RGS6: variants seen among roughly 807,000 people sequenced by gnomAD.
The protein encoded by RGS6 is regulator of G-protein signaling 6.
In RGS6, 30 loss-of-function variants were observed where a neutral mutation model predicts 78.5. The ratio of observed to expected loss-of-function variants is 0.38; its 90% confidence interval spans 0.29 to 0.52. The LOEUF (loss-of-function observed/expected upper bound fraction) is 0.52, where lower values mean the gene tolerates loss of function less well. RGS6 is among the 20% of genes least tolerant of loss of function. RGS6 has a pLI of 0.85. For synonymous variants in RGS6, 206 were observed against 206.0 expected (o/e 1.00, Z 0.00); for missense variants, 495 against 609.7 (o/e 0.81, Z 1.98).
At chr14:72,383,177 CATATATATATATAT>C (rs35175623) in intron 3 of RGS6, among the ~76,000 whole-genome samples, 1,492 of 71,026 alleles carry the variant, frequency 0.021, 69 homozygotes, top group African/African-American at 0.062. Flanking sequence ...AAAAATTGTA[CATATATATATATAT>C]ATATATATAT....
chr14:72,534,588 C>A (rs568673530), intron 15 of RGS6, among the ~76,000 whole-genome samples: 1 of 152,162 alleles, frequency 6.6e-6, no homozygotes, highest in African/African-American at 2.4e-5. Flanking sequence ...TTCCTTTACC[C>A]ATTTATCTAT....
At chr14:71,912,933 C>T in the RGS6 span, among the ~76,000 whole-genome samples, 1 of 152,056 alleles carries the variant, frequency 6.6e-6, no homozygotes, top group East Asian at 1.9e-4. Flanking sequence ...TCATGCCATT[C>T]TCCTGCCTCA....
intron 2 of RGS6, among the ~76,000 whole-genome samples, chr14:72,300,684 A>G (rs953327928): frequency 4.6e-5 from 7 of 152,228 alleles, no homozygotes; most frequent in African/African-American, 9.6e-5. Context: ...TGATTCCTTC[A>G]TATCCACTCA....
At chr14:72,474,522 G>A (rs2096182416) in intron 9 of RGS6, 103 bp from the exon 10 acceptor site, 1 of 1,059,434 alleles carries the variant, frequency 9.4e-7, no homozygotes, top group Non-Finnish European at 1.4e-6. Context: ...TGCATTGTCT[G>A]TAATGGAAAA....
chr14:72,455,615 C>T (rs2095610711), intron 4 of RGS6, among the ~76,000 whole-genome samples: 1 of 152,146 alleles, frequency 6.6e-6, no homozygotes, highest in East Asian at 1.9e-4. Flanking sequence ...CTTTTCACCC[C>T]CTTGATTAGT....
intron 2 of RGS6, among the ~76,000 whole-genome samples, chr14:72,347,785 T>G (rs981398813): frequency 2.0e-5 from 3 of 152,168 alleles, no homozygotes; most frequent in African/African-American, 7.2e-5. Context: ...GTATTTTTAA[T>G]CAACTACTAA....
intron 6 of RGS6, among the ~76,000 whole-genome samples, chr14:72,463,885 G>C (rs945341525): frequency 1.3e-5 from 2 of 152,164 alleles, no homozygotes; most frequent in Non-Finnish European, 1.5e-5. Flanking sequence ...TAGCTGCTTG[G>C]TTCATTGGAA....
intron 2 of RGS6, among the ~76,000 whole-genome samples, chr14:72,227,476 A>C (rs1438129365): frequency 2.6e-5 from 4 of 152,162 alleles, no homozygotes; most frequent in Non-Finnish European, 4.4e-5. Flanking sequence ...ATGATGAAAA[A>C]ATTGAATAAA....
intron 1 of RGS6, among the ~76,000 whole-genome samples, chr14:71,948,699 C>T (rs2091894367): frequency 6.7e-6 from 1 of 148,834 alleles, no homozygotes; most frequent in Non-Finnish European, 1.5e-5. Flanking sequence ...TCTTTTTTCC[C>T]ATTGGTAACT....
At chr14:72,083,591 G>A (rs540260299) in intron 2 of RGS6, among the ~76,000 whole-genome samples, 1 of 152,282 alleles carries the variant, frequency 6.6e-6, no homozygotes, top group East Asian at 1.9e-4. Flanking sequence ...ACGTCCCTCG[G>A]ATGGAGCTGG....
chr14:71,945,437 A>G (rs1474217390), intron 1 of RGS6, among the ~76,000 whole-genome samples: 1 of 152,240 alleles, frequency 6.6e-6, no homozygotes, highest in Non-Finnish European at 1.5e-5. Context: ...AACACTCAAT[A>G]GACCAGTTAG....
At chr14:72,454,320 G>C (rs1339009459) in intron 3 of RGS6, among the ~76,000 whole-genome samples, 1 of 152,192 alleles carries the variant, frequency 6.6e-6, no homozygotes, top group African/African-American at 2.4e-5. Flanking sequence ...CATCAGAAGT[G>C]AGTGTTTTTT....
chr14:71,911,723 TGAAGAGC>T, the RGS6 span, among the ~76,000 whole-genome samples: 9,636 of 152,090 alleles, frequency 0.063, 427 homozygotes, highest in Non-Finnish European at 0.097. Flanking sequence ...AAATTTGGAG[TGAAGAGC>T]TTTATTTCTT....
chr14:72,329,697 G>C (rs2074568333), intron 2 of RGS6, among the ~76,000 whole-genome samples: 1 of 152,222 alleles, frequency 6.6e-6, no homozygotes, highest in African/African-American at 2.4e-5. Context: ...CCATAGTGTG[G>C]AAGCACTCTT....
At chr14:72,423,718 T>C (rs968943149) in intron 3 of RGS6, among the ~76,000 whole-genome samples, 1 of 152,076 alleles carries the variant, frequency 6.6e-6, no homozygotes, top group Non-Finnish European at 1.5e-5. Flanking sequence ...AACCAGCAGG[T>C]CCTTTGCTCA....
chr14:72,222,482 T>C (rs1363574633), intron 2 of RGS6, among the ~76,000 whole-genome samples: 2 of 152,214 alleles, frequency 1.3e-5, no homozygotes, highest in Non-Finnish European at 2.9e-5. Flanking sequence ...ACAGAGCCAG[T>C]TCCCATCTTC....
At chr14:72,307,837 T>C (rs949508349) in intron 2 of RGS6, among the ~76,000 whole-genome samples, 2 of 152,214 alleles carry the variant, frequency 1.3e-5, no homozygotes, top group African/African-American at 4.8e-5. Context: ...TGACAAATTT[T>C]CCAATCAAAG....
chr14:72,348,101 C>G (rs1172738620), intron 2 of RGS6, among the ~76,000 whole-genome samples: 2 of 152,232 alleles, frequency 1.3e-5, no homozygotes, highest in East Asian at 3.8e-4. Flanking sequence ...CTGGGCCACT[C>G]ACTGGGTTCA....
the RGS6 span, among the ~76,000 whole-genome samples, chr14:71,879,260 C>G: frequency 6.6e-6 from 1 of 152,108 alleles, no homozygotes; most frequent in African/African-American, 2.4e-5. Context: ...CTGAAATTTG[C>G]TGTATTTAGA....
Sources: gnomAD v4.1 joint callset for allele counts (sites outside exome capture counted in the v4.1 genomes callset) on GRCh38, gnomAD v4.1.1 for gene constraint, MANE v1.5 for transcripts, NCBI Gene and HGNC (gene_info 2026-07-23, HGNC 2026-07-21) for gene names.